MACROD2: variants seen among roughly 807,000 people sequenced by gnomAD.
MACROD2 encodes the protein ADP-ribose glycohydrolase MACROD2.
MACROD2 carries 36 observed loss-of-function variants against 70.4 expected under a neutral mutation model. The observed-to-expected ratio is 0.51, with a 90% CI of 0.39 to 0.68. The LOEUF is 0.68. Ranked by LOEUF, MACROD2 falls within the 30% of genes least tolerant of loss-of-function variation. MACROD2 has a pLI of 0.00. For synonymous variants in MACROD2, 172 were observed against 178.8 expected (o/e 0.96, Z 0.30); for missense variants, 496 against 538.4 (o/e 0.92, Z 0.78).
At chr20:14,384,262 C>G (rs747441601) in intron 3 of MACROD2, among the ~76,000 whole-genome samples, 2 of 151,996 alleles carry the variant, frequency 1.3e-5, no homozygotes, top group African/African-American at 4.8e-5. Context: ...GTTTTTTATT[C>G]TTATGGAACT....
At chr20:14,420,144 T>TTATATA (rs368804584) in intron 3 of MACROD2, among the ~76,000 whole-genome samples, 20,295 of 148,086 alleles carry the variant, frequency 0.14, 1,910 homozygotes, top group Non-Finnish European at 0.2. Flanking sequence ...TCTGTCCTAA[T>TTATATA]TATATATATA....
intron 4 of MACROD2, among the ~76,000 whole-genome samples, chr20:14,525,296 C>A (rs6074749): frequency 0.15 from 23,514 of 152,022 alleles, 2,027 homozygotes; most frequent in East Asian, 0.38. Context: ...GTCTATCTCC[C>A]TTTTTTGCTA....
intron 7 of MACROD2, among the ~76,000 whole-genome samples, chr20:15,433,899 A>G (rs929910037): frequency 3.3e-5 from 5 of 152,090 alleles, no homozygotes; most frequent in African/African-American, 1.2e-4. Context: ...CCAAATACTT[A>G]CAGCAAACTG....
At position 14,032,063 on chromosome 20, in the gene MACROD2, G is replaced by T. The variant is rs145934576; in HGVS notation, c.163+29659G>T. On this transcript the variant is annotated intron_variant, in intron 2 of 17. Coordinates refer to ENST00000684519, the MANE Select transcript of MACROD2 (RefSeq NM_001351661.2). Reference sequence around the variant, plus strand: ...TATATGTACTCATATATAGTATTTTGTTAGCTTTTAGTGTAAAAATTTATT... The same window carrying T: ...TATATGTACTCATATATAGTATTTTTTTAGCTTTTAGTGTAAAAATTTATT... Among the ~76,000 whole-genome samples the T allele has an allele frequency of 3.0e-3, 453 of 152,034 alleles. 5 individuals are homozygous for T. Among genetic ancestry groups the T allele is most frequent in the African/African-American group, 0.011 (438 of 41,514 alleles).
chr20:15,953,682 C>T (rs757009156), intron 12 of MACROD2, among the ~76,000 whole-genome samples: 2 of 152,118 alleles, frequency 1.3e-5, no homozygotes, highest in Non-Finnish European at 2.9e-5. Context: ...AGGTTGTCTG[C>T]TGTTTTTAAA....
At chr20:16,032,878 A>G (rs2067173765) in intron 15 of MACROD2, among the ~76,000 whole-genome samples, 1 of 151,934 alleles carries the variant, frequency 6.6e-6, no homozygotes, top group Non-Finnish European at 1.5e-5. Context: ...GAGGAAGGAC[A>G]GGAGAGGAGG....
chr20:14,871,857 G>T (rs187328519), intron 5 of MACROD2, among the ~76,000 whole-genome samples: 2 of 152,064 alleles, frequency 1.3e-5, no homozygotes, highest in Non-Finnish European at 2.9e-5. Flanking sequence ...ACAGAAAAAA[G>T]CTGGAGTTAT....
chr20:14,101,518 A>G (rs890525075), intron 3 of MACROD2, among the ~76,000 whole-genome samples: 1 of 152,094 alleles, frequency 6.6e-6, no homozygotes, highest in Non-Finnish European at 1.5e-5. Context: ...AAGGAAGCCT[A>G]AGTTTCCAAC....
chr20:15,476,474 A>T (rs543518652), intron 7 of MACROD2, among the ~76,000 whole-genome samples: 95 of 152,338 alleles, frequency 6.2e-4, no homozygotes, highest in African/African-American at 2.3e-3. Flanking sequence ...TGCCTCTGTG[A>T]CATCAGAAAG....
chr20:15,156,494 A>G (rs1049252836), intron 5 of MACROD2, among the ~76,000 whole-genome samples: 28 of 152,266 alleles, frequency 1.8e-4, no homozygotes, highest in South Asian at 2.1e-4. Flanking sequence ...AATAGGTATC[A>G]TGTATCCCCT....
At chr20:15,562,063 A>G (rs2048252096) in intron 8 of MACROD2, among the ~76,000 whole-genome samples, 1 of 152,144 alleles carries the variant, frequency 6.6e-6, no homozygotes, top group Admixed American at 6.6e-5. Context: ...AAAGTTTTGC[A>G]TATAGAACAT....
At chr20:15,268,257 A>C (rs2077314248) in intron 6 of MACROD2, among the ~76,000 whole-genome samples, 1 of 152,214 alleles carries the variant, frequency 6.6e-6, no homozygotes, top group Non-Finnish European at 1.5e-5. Flanking sequence ...CAGAGAAAAA[A>C]AGAAATGGAA....
chr20:15,012,579 T>C (rs1324882673), intron 5 of MACROD2, among the ~76,000 whole-genome samples: 1 of 152,166 alleles, frequency 6.6e-6, no homozygotes, highest in Non-Finnish European at 1.5e-5. Flanking sequence ...GTGGTACAGT[T>C]GGTGCTGAAG....
chr20:14,878,369 A>G (rs2073573236), intron 5 of MACROD2, among the ~76,000 whole-genome samples: 3 of 152,170 alleles, frequency 2.0e-5, no homozygotes, highest in Admixed American at 2.0e-4. Flanking sequence ...CTACATCAAG[A>G]GTGTCAAAGC....
chr20:15,917,782 CCA>C (rs1203580435), intron 10 of MACROD2, among the ~76,000 whole-genome samples: 4 of 151,146 alleles, frequency 2.6e-5, no homozygotes, highest in Non-Finnish European at 4.4e-5. Context: ...ATTACTTAGC[CCA>C]TGAGTTGACA....
At chr20:14,033,385 C>G (rs2053269378) in intron 2 of MACROD2, among the ~76,000 whole-genome samples, 1 of 151,994 alleles carries the variant, frequency 6.6e-6, no homozygotes, top group Non-Finnish European at 1.5e-5. Flanking sequence ...CCCTCTCATC[C>G]TTCTGTTTTA....
At chr20:14,826,554 A>G (rs557955009) in intron 5 of MACROD2, among the ~76,000 whole-genome samples, 1 of 152,184 alleles carries the variant, frequency 6.6e-6, no homozygotes, top group South Asian at 2.1e-4. Flanking sequence ...TGCTTTTGGC[A>G]GAATTCGTGT....
At chr20:15,738,463 A>G (rs530756965) in intron 8 of MACROD2, among the ~76,000 whole-genome samples, 1 of 152,300 alleles carries the variant, frequency 6.6e-6, no homozygotes, top group East Asian at 1.9e-4. Context: ...AATGATATAG[A>G]TAGGTCTACA....
Position 13,997,047 on chromosome 20 carries a change from G to T in MACROD2, c.46+1238G>T, listed in dbSNP as rs79823280. 9.6e-3 allele frequency among the ~76,000 whole-genome samples: 1,460 copies of T among 152,248 alleles called. 18 individuals carry two copies. Among genetic ancestry groups the T allele is most frequent in the African/African-American group, 0.033 (1,375 of 41,540 alleles). On this transcript the variant is annotated intron_variant, in intron 1 of 17. Transcript: ENST00000684519. Reference sequence around the variant, plus strand: ...AAAAAGAATCCACTATATAGGATCGGCTTCCACAATGCACGAACAAAGGCG... The same window carrying T: ...AAAAAGAATCCACTATATAGGATCGTCTTCCACAATGCACGAACAAAGGCG...
Sources: allele counts gnomAD v4.1 joint callset (sites outside exome capture counted in the v4.1 genomes callset), GRCh38; gene constraint gnomAD v4.1.1; transcripts MANE v1.5; gene names NCBI Gene and HGNC (gene_info 2026-07-23, HGNC 2026-07-21).